KIAA1217: variants seen among roughly 807,000 people sequenced by gnomAD.
KIAA1217 encodes the protein sickle tail protein homolog.
In KIAA1217, 88 loss-of-function variants were observed where a neutral mutation model predicts 163.9. The ratio of observed to expected loss-of-function variants is 0.54; its 90% CI spans 0.45 to 0.64. The LOEUF (loss-of-function observed/expected upper bound fraction) is 0.64. Ranked by LOEUF, KIAA1217 falls within the 30% of genes least tolerant of loss-of-function variation. The probability of loss-of-function intolerance (pLI) is 0.00; values close to 1 mark genes in which losing one functional copy is unlikely to be tolerated. For synonymous variants in KIAA1217, 903 were observed against 923.1 expected (o/e 0.98, Z 0.39); for missense variants, 2,372 against 2,475.0 (o/e 0.96, Z 0.88).
intron 1 of KIAA1217, among the ~76,000 whole-genome samples, chr10:24,216,160 G>A (rs891936069): frequency 6.6e-6 from 1 of 152,128 alleles, no homozygotes. Context: ...AGATTAATGT[G>A]GACTGAAGAT....
At chr10:24,189,970 G>C (rs898729140) in intron 2 of KIAA1217, among the ~76,000 whole-genome samples, 1 of 151,124 alleles carries the variant, frequency 6.6e-6, no homozygotes, top group Non-Finnish European at 1.5e-5. Flanking sequence ...GCAGTGAGCT[G>C]TGATCATACC....
intron 2 of KIAA1217, among the ~76,000 whole-genome samples, chr10:24,083,689 T>C (rs1016181239): frequency 1.3e-5 from 2 of 152,212 alleles, no homozygotes; most frequent in African/African-American, 4.8e-5. Flanking sequence ...GGTGGCCTAA[T>C]AGGTGAAGGC....
At chr10:24,230,156 G>A (rs904288552) in intron 2 of KIAA1217, among the ~76,000 whole-genome samples, 6 of 152,152 alleles carry the variant, frequency 3.9e-5, no homozygotes, top group South Asian at 2.1e-4. Context: ...TAAGGAGAAC[G>A]TATTATTTGC....
chr10:24,520,672 A>ACACACACACC (rs2134546072), intron 11 of KIAA1217, among the ~76,000 whole-genome samples: 1 of 74,456 alleles, frequency 1.3e-5, no homozygotes, highest in East Asian at 3.8e-4. Flanking sequence ...ATATATATAT[A>ACACACACACC]TATACACACA....
chr10:24,235,947 C>G (rs2072195333), intron 2 of KIAA1217, among the ~76,000 whole-genome samples: 1 of 152,154 alleles, frequency 6.6e-6, no homozygotes, highest in South Asian at 2.1e-4. Flanking sequence ...GTATCAGTGC[C>G]TGGTAGTTAA....
upstream of KIAA1217, among the ~76,000 whole-genome samples, chr10:24,207,810 C>T (rs986018716): frequency 4.6e-5 from 7 of 152,152 alleles, no homozygotes; most frequent in South Asian, 1.5e-3. Context: ...CTTCCACATC[C>T]TTATGTCTTA....
chr10:23,987,769 T>C (rs942851202), intron 1 of KIAA1217, among the ~76,000 whole-genome samples: 1 of 152,320 alleles, frequency 6.6e-6, no homozygotes, highest in Middle Eastern at 3.4e-3. Flanking sequence ...CAAGTCTGTA[T>C]CCTTTGACCA....
At chr10:23,831,766 A>G (rs1214423209) in intron 1 of KIAA1217, among the ~76,000 whole-genome samples, 1 of 152,112 alleles carries the variant, frequency 6.6e-6, no homozygotes, top group Non-Finnish European at 1.5e-5. Flanking sequence ...ATAAATGTCT[A>G]CCTTTTGAGC....
At chr10:24,290,909 C>T (rs2079031099) in intron 2 of KIAA1217, among the ~76,000 whole-genome samples, 1 of 152,050 alleles carries the variant, frequency 6.6e-6, no homozygotes, top group East Asian at 1.9e-4. Flanking sequence ...GCCATGAAGT[C>T]TCTCTTAAGA....
At chr10:24,316,650 T>G (rs2043415545) in intron 2 of KIAA1217, among the ~76,000 whole-genome samples, 2 of 152,176 alleles carry the variant, frequency 1.3e-5, no homozygotes, top group Non-Finnish European at 2.9e-5. Flanking sequence ...CTTTGGTGAC[T>G]CTGTGTTCTA....
intron 3 of KIAA1217, among the ~76,000 whole-genome samples, chr10:24,413,836 C>T (rs1205538353): frequency 6.6e-6 from 1 of 152,186 alleles, no homozygotes; most frequent in African/African-American, 2.4e-5. Context: ...CCACTTCCAC[C>T]CCACTGCTCT....
At chr10:23,933,368 G>A (rs180917031) in intron 1 of KIAA1217, among the ~76,000 whole-genome samples, 4 of 152,290 alleles carry the variant, frequency 2.6e-5, no homozygotes, top group Non-Finnish European at 2.9e-5. Context: ...GACCCAGGAC[G>A]TGCTCCTGGC....
At chr10:24,039,197 G>A (rs1848523808) in intron 2 of KIAA1217, among the ~76,000 whole-genome samples, 2 of 151,840 alleles carry the variant, frequency 1.3e-5, no homozygotes, top group Admixed American at 1.3e-4. Context: ...AACCACCCTG[G>A]CCTAAAGACA....
At chr10:23,716,071 C>A (rs1837548693) in intron 1 of KIAA1217, among the ~76,000 whole-genome samples, 1 of 152,050 alleles carries the variant, frequency 6.6e-6, no homozygotes, top group Non-Finnish European at 1.5e-5. Flanking sequence ...CTTAAATAAG[C>A]TTTTACGGAA....
chr10:23,738,889 T>C (rs1047308207), intron 1 of KIAA1217, among the ~76,000 whole-genome samples: 1 of 152,114 alleles, frequency 6.6e-6, no homozygotes, highest in African/African-American at 2.4e-5. Flanking sequence ...GGAATACACA[T>C]ACAAATAAAT....
At chr10:24,395,516 C>T (rs536594620) in intron 3 of KIAA1217, among the ~76,000 whole-genome samples, 1 of 152,152 alleles carries the variant, frequency 6.6e-6, no homozygotes, top group African/African-American at 2.4e-5. Context: ...GGCAAAGGAC[C>T]AGTGCTTAAG....
At chr10:24,175,712 T>C (rs1309773057) in intron 2 of KIAA1217, among the ~76,000 whole-genome samples, 1 of 152,134 alleles carries the variant, frequency 6.6e-6, no homozygotes, top group Non-Finnish European at 1.5e-5. Context: ...TTGGAGTTTC[T>C]TCCTTCTGGT....
In KIAA1217 at chr10:24,543,845, C is replaced by A. The variant is rs1336311262; in HGVS notation, c.4575C>A (p.Ser1525=). The change falls in exon 19 of 21, where the codon TCC becomes TCA. Residue 1525 remains serine (S), a synonymous_variant. Coordinates refer to ENST00000376454, the MANE Select transcript of KIAA1217 (RefSeq NM_019590.5). ...QQVETKSQPH[S]LATETRNPGG... ...TGGAAACAAAGTCACAGCCACACTC[C>A]CTGGCCACAGAGACCAGAAACCCAG... The A allele has an allele frequency of 1.2e-6, 2 of 1,613,856 alleles. No individual in the cohort carries two copies. Among genetic ancestry groups the A allele is most frequent in the African/African-American group, 2.7e-5 (2 of 74,872 alleles).
At chr10:24,263,169 T>C (rs1423918128) in intron 2 of KIAA1217, among the ~76,000 whole-genome samples, 1 of 152,220 alleles carries the variant, frequency 6.6e-6, no homozygotes, top group Non-Finnish European at 1.5e-5. Flanking sequence ...CAGGGCTTCA[T>C]GCGCATTTCT....
Sources: gnomAD v4.1 joint callset for allele counts (sites outside exome capture counted in the v4.1 genomes callset) on GRCh38, gnomAD v4.1.1 for gene constraint, MANE v1.5 for transcripts, NCBI Gene and HGNC (gene_info 2026-07-23, HGNC 2026-07-21) for gene names.